TMEM87A: variants seen among roughly 807,000 people sequenced by gnomAD.
TMEM87A encodes the protein transmembrane protein 87A.
In TMEM87A, 50 loss-of-function variants were observed where a neutral mutation model predicts 90.0. The observed-to-expected ratio is 0.56, with a 90% confidence interval of 0.44 to 0.70. The LOEUF (loss-of-function observed/expected upper bound fraction) is 0.70. Ranked by LOEUF, TMEM87A falls within the 30% of genes least tolerant of loss-of-function variation. The probability of loss-of-function intolerance (pLI) is 0.00; values close to 1 mark genes in which losing one functional copy is unlikely to be tolerated. For missense variants in TMEM87A, 577 were observed against 660.5 expected (o/e 0.87, Z 1.39); for synonymous variants, 226 against 226.7 (o/e 1.00, Z 0.03).
At position 42,211,566 on chromosome 15, in the gene TMEM87A, G is replaced by A. The variant is rs910845204; in HGVS notation, c.*142C>T. On this transcript the variant is annotated 3_prime_UTR_variant, in exon 20 of 20. Transcript: ENST00000389834. The stretch of plus-strand genomic sequence containing the variant: ...TGTTCTCTTTGTTCTGACACCTCTC[G>A]CCAACTCCAATGCCCAAAGATCAAG... 1.6e-5 allele frequency: 12 copies of A among 768,296 alleles called. No homozygotes were observed. Among genetic ancestry groups the A allele is most frequent in the African/African-American group, 1.1e-4 (6 of 56,686 alleles). 47.6% of individuals were successfully genotyped at this position (768,296 alleles called of 1,614,324 possible).
rs2050680529 is a variant in TMEM87A, at chr15:42,231,189, T to C, written c.1131+3A>G. 6.2e-7 allele frequency: 1 copy of C among 1,602,452 alleles called. No homozygotes were observed. The highest frequency in any genetic ancestry group is 1.7e-5 in the Admixed American group (1 of 57,464). On this transcript the variant is annotated splice_donor_region_variant and intron_variant, in intron 12 of 19. Transcript: ENST00000389834. ...TCATCAAACAAGCCAATGAGAAGGA[T>C]ATCCACCAGCACAAGGCAGTGTCTA...
rs776823902 is a variant in TMEM87A at position 42,244,054 on chromosome 15, A to G, written c.618T>C (p.Phe206=). 3 of 1,552,546 alleles carry G rather than the reference A, an allele frequency of 1.9e-6. No homozygotes were observed. The highest frequency in any genetic ancestry group is 1.4e-5 in the African/African-American group (1 of 71,438). ...SSKENSLSNL[F]TMTVEVKGPY... is the part of the protein sequence containing the mutation. ...TAAAAAAAAAACTGAACTTACTGGTAAAAAGATTACTCAGTGAATTTTCTT... is the reference window on the plus strand; with the variant it reads ...TAAAAAAAAAACTGAACTTACTGGTGAAAAGATTACTCAGTGAATTTTCTT... Residue 206 remains phenylalanine, a synonymous_variant, in exon 7 of 20, where the codon TTT becomes TTC. Coordinates refer to ENST00000389834, the MANE Select transcript of TMEM87A (RefSeq NM_015497.5).
At chr15:42,267,862 G>T in intron 3 of TMEM87A, 85 bp downstream of exon 3, 1 of 1,096,468 alleles carries the variant, frequency 9.1e-7, no homozygotes, top group Non-Finnish European at 1.3e-6. Context: ...ATAGCTACAT[G>T]ATACTCTTTC....
At position 42,220,111 on chromosome 15, in the gene TMEM87A, C is replaced by T. The variant is rs992377326; in HGVS notation, c.1428G>A (p.Glu476=). The T allele has an allele frequency of 1.2e-6, 2 of 1,607,552 alleles. No individual in the cohort carries two copies. Among genetic ancestry groups the T allele is most frequent in the East Asian group, 2.2e-5 (1 of 44,692 alleles). ...CCTTTTGTTCATCCTCCTCCTCTTC[C>T]TCAGACAATGGTGAAAAGGCAAACC... The part of the protein sequence containing the change: ...NQRFAFSPLS[E]EEEEDEQKEP... The change falls in exon 16 of 20, where the codon GAG becomes GAA. Residue 476 remains glutamate (E), a synonymous_variant. Coordinates refer to ENST00000389834, the MANE Select transcript of TMEM87A (RefSeq NM_015497.5).
At chr15:42,257,231 G>A (rs888987559) in intron 6 of TMEM87A, among the ~76,000 whole-genome samples, 1 of 152,040 alleles carries the variant, frequency 6.6e-6, no homozygotes, top group Non-Finnish European at 1.5e-5. Context: ...TTTGGGTCAT[G>A]GGAGCCAATC....
chr15:42,221,271 C>T (rs8042019), intron 15 of TMEM87A, among the ~76,000 whole-genome samples: 6 of 111,896 alleles, frequency 5.4e-5, no homozygotes, highest in East Asian at 2.7e-4. Context: ...GAGACAGAGA[C>T]AGAGAGAGAG....
Position 42,211,855 on chromosome 15 carries a change from G to C in TMEM87A, c.1627-106C>G, listed in dbSNP as rs2050293856. The C allele has an allele frequency of 1.5e-5, 15 of 1,031,436 alleles. No individual in the cohort carries two copies. In the South Asian group the frequency reaches 2.3e-4, roughly 15 times the overall value. 63.9% of individuals were successfully genotyped at this position (1,031,436 alleles called of 1,614,324 possible). A position where few individuals can be genotyped will look rare whatever the true frequency, so the allele number is the denominator to read the frequency against. On this transcript the variant is annotated intron_variant, in intron 19 of 19. Transcript: ENST00000389834. The stretch of plus-strand genomic sequence containing the variant: ...CAAACATCTTCCACGAGTACTTTAT[G>C]TTAATTAAATGTTTAGAGAAATGGT...
chr15:42,266,748 C>A (rs1444520726), intron 3 of TMEM87A, among the ~76,000 whole-genome samples: 2 of 152,096 alleles, frequency 1.3e-5, no homozygotes, highest in African/African-American at 4.8e-5. Flanking sequence ...GTTATTAAAT[C>A]TGGACCTTTT....
chr15:42,212,184 A>G (rs1305731389), intron 19 of TMEM87A, among the ~76,000 whole-genome samples: 1 of 152,184 alleles, frequency 6.6e-6, no homozygotes, highest in Non-Finnish European at 1.5e-5. Flanking sequence ...GTTTTTTACT[A>G]CACTTTTTAA....
intron 19 of TMEM87A, among the ~76,000 whole-genome samples, chr15:42,215,942 T>G (rs1160228935): frequency 3.9e-5 from 6 of 152,222 alleles, no homozygotes; most frequent in Non-Finnish European, 7.3e-5. Flanking sequence ...ACTCCCATGT[T>G]CACTGCAACA....
intron 6 of TMEM87A, among the ~76,000 whole-genome samples, chr15:42,246,704 T>G (rs982500500): frequency 6.6e-6 from 1 of 152,204 alleles, no homozygotes; most frequent in African/African-American, 2.4e-5. Context: ...TGACGGACAT[T>G]TGGGTTGGTT....
intron 3 of TMEM87A, among the ~76,000 whole-genome samples, chr15:42,264,699 A>ATATATATATATTTTTTTT (rs10681614): frequency 5.5e-4 from 60 of 109,424 alleles, no homozygotes; most frequent in South Asian, 1.5e-3. Flanking sequence ...ATATATATAT[A>ATATATATATATTTTTTTT]TTTTTTTTTT....
rs1003242230 is a variant in TMEM87A at position 42,261,142 on chromosome 15, T to C, written c.459+54A>G. On this transcript the variant is annotated intron_variant, in intron 5 of 19. Coordinates refer to ENST00000389834, the MANE Select transcript of TMEM87A (RefSeq NM_015497.5). ...AGATGCAGTGAGCACGGGTATCTCCTGCACCACCAAAGTTTTTACTGCACT... is the reference window on the plus strand; with the variant it reads ...AGATGCAGTGAGCACGGGTATCTCCCGCACCACCAAAGTTTTTACTGCACT... 1.1e-5 allele frequency: 17 copies of C among 1,588,022 alleles called. No homozygotes were observed. In the Admixed American group the frequency reaches 1.4e-4, roughly 13 times the overall value.
chr15:42,272,553 C>G (rs942896183), intron 1 of TMEM87A: 1 of 198,924 alleles, frequency 5.0e-6, no homozygotes, highest in Admixed American at 5.4e-5. Context: ...GCATTTCCTC[C>G]CTGCATCTGG....
rs546899001 is a variant in TMEM87A, at chr15:42,252,055, G to T, written c.505-7888C>A. On this transcript the variant is annotated intron_variant, in intron 6 of 19. Transcript: ENST00000389834. ...CGTGGGCGTGGGACCCGCTGAGCCA[G>T]GTGCGGGATATAATCTCCTGGTGTG... is the stretch of plus-strand genomic sequence containing the variant. 1.2e-4 allele frequency among the ~76,000 whole-genome samples: 19 copies of T among 152,374 alleles called. 1 individual carries two copies. In the South Asian group the frequency reaches 1.4e-3, roughly 12 times the overall value.
chr15:42,269,958 A>G (rs2051485279), intron 2 of TMEM87A, among the ~76,000 whole-genome samples: 1 of 151,672 alleles, frequency 6.6e-6, no homozygotes, highest in South Asian at 2.1e-4. Flanking sequence ...AAAAAAAAAA[A>G]AAAAAAATGG....
At chr15:42,272,441 A>G (rs932145212) in intron 1 of TMEM87A, among the ~76,000 whole-genome samples, 3 of 152,260 alleles carry the variant, frequency 2.0e-5, no homozygotes, top group African/African-American at 7.2e-5. Flanking sequence ...TATAACGTTT[A>G]CCATAATAAA....
In TMEM87A at chr15:42,236,360, T is replaced by G; in HGVS notation, c.928A>C (p.Thr310Pro). Residue 310 changes from threonine to proline, a missense_variant, in exon 10 of 20, where the codon ACC (threonine) becomes CCC (proline). Thr to Pro is a conservative substitution (Grantham distance 38). Transcript: ENST00000389834. ...CCCAGACTGACTATGATGACCAGGG[T>G]TCGAGCCAGTGAGCGTTTCACTGCT... ...LSAVKRSLARTLVIIVSLGYG... is the reference protein window; with the variant it reads ...LSAVKRSLARPLVIIVSLGYG... The G allele has an allele frequency of 6.2e-7, 1 of 1,614,060 alleles. No individual in the cohort carries two copies. Among genetic ancestry groups the G allele is most frequent in the South Asian group, 1.1e-5 (1 of 91,070 alleles).
chr15:42,253,132 G>A (rs994993199), intron 6 of TMEM87A, among the ~76,000 whole-genome samples: 12 of 152,170 alleles, frequency 7.9e-5, no homozygotes, highest in Admixed American at 5.9e-4. Flanking sequence ...TATCCTCCCA[G>A]TCTTTGCACC....
Sources: allele counts gnomAD v4.1 joint callset (sites outside exome capture counted in the v4.1 genomes callset), GRCh38; gene constraint gnomAD v4.1.1; transcripts MANE v1.5; gene names NCBI Gene and HGNC (gene_info 2026-07-23, HGNC 2026-07-21).